Variants in PAPOLA observed in about 807,000 individuals in gnomAD.
PAPOLA encodes poly(A) polymerase alpha.
PAPOLA carries 15 observed loss-of-function variants against 100.6 expected under a neutral mutation model. The ratio of observed to expected loss-of-function variants is 0.15; its 90% confidence interval spans 0.10 to 0.23. The LOEUF (loss-of-function observed/expected upper bound fraction) is 0.23. PAPOLA is among the 10% of genes least tolerant of loss of function. The probability of loss-of-function intolerance (pLI) is 1.00; values close to 1 mark genes in which losing one functional copy is unlikely to be tolerated. For synonymous variants in PAPOLA, 293 were observed against 300.0 expected (o/e 0.98, Z 0.24); for missense variants, 533 against 884.2 (o/e 0.60, Z 5.04).
At position 96,565,292 on chromosome 14, in the gene PAPOLA, T is replaced by C. The variant is rs1285060396; in HGVS notation, c.*242T>C. On this transcript the variant is annotated 3_prime_UTR_variant, in exon 22 of 22. Transcript: ENST00000216277. ...TTAACTATTTCAAAAATTACTGCCT[T>C]TAAAAAAAACAACCTCAAGCTATAT... is the stretch of plus-strand genomic sequence containing the variant. 6 of 401,274 alleles carry C rather than the reference T, an allele frequency of 1.5e-5. No homozygotes were observed. Among genetic ancestry groups the C allele is most frequent in the Non-Finnish European group, 2.7e-5 (6 of 221,848 alleles). 24.9% of individuals were successfully genotyped at this position (401,274 alleles called of 1,614,324 possible).
intron 1 of PAPOLA, among the ~76,000 whole-genome samples, chr14:96,513,597 C>T (rs7151963): frequency 0.055 from 8,346 of 152,142 alleles, 228 homozygotes; most frequent in Non-Finnish European, 0.058. Flanking sequence ...TTGCTTTCAT[C>T]GTGATGAATA....
At chr14:96,542,094 A>G (rs1595540472) in intron 12 of PAPOLA, 149 bp from the exon 13 acceptor site, 3 of 480,428 alleles carry the variant, frequency 6.2e-6, no homozygotes, top group South Asian at 3.8e-5. Flanking sequence ...AATTTAGCAT[A>G]TATGATTTTA....
At chr14:96,556,502 T>C in intron 19 of PAPOLA, 89 bp downstream of exon 19, 1 of 860,412 alleles carries the variant, frequency 1.2e-6, no homozygotes, top group Non-Finnish European at 1.9e-6. Context: ...TGAACCAAAA[T>C]AGAGAAGGAT....
Position 96,529,537 on chromosome 14 carries a change from AC to A in PAPOLA, c.495+1532del, listed in dbSNP as rs1018191726. ...GGAGATCAAGACCGTCCTGGCCAAC[AC>A]GTTGAAACCCTGTCTGTACTAAAAA... On this transcript the variant is annotated intron_variant, in intron 6 of 21. Coordinates refer to ENST00000216277, the MANE Select transcript of PAPOLA (RefSeq NM_032632.5). 8.7e-5 allele frequency among the ~76,000 whole-genome samples: 13 copies of A among 150,212 alleles called. No homozygotes were observed. The East Asian group carries it at 1.9e-3, about 22-fold the overall frequency.
intron 19 of PAPOLA, among the ~76,000 whole-genome samples, chr14:96,558,867 CCT>C (rs1332749052): frequency 6.6e-6 from 1 of 151,944 alleles, no homozygotes; most frequent in East Asian, 1.9e-4. Context: ...TCAAATGGCC[CCT>C]GATTGTTTCA....
At chr14:96,545,370 A>G (rs762126663) in intron 15 of PAPOLA, among the ~76,000 whole-genome samples, 1 of 152,066 alleles carries the variant, frequency 6.6e-6, no homozygotes, top group Non-Finnish European at 1.5e-5. Context: ...AATCGCGAGC[A>G]GTGTGACATC....
At position 96,541,636 on chromosome 14, in the gene PAPOLA, A is replaced by G. The variant is rs147035895; in HGVS notation, c.1116-607A>G. Among the ~76,000 whole-genome samples the G allele has an allele frequency of 5.3e-3, 803 of 152,280 alleles. 9 individuals carry two copies. The highest frequency in any genetic ancestry group is 0.019 in the African/African-American group (770 of 41,554). ...TAATATGAATGGGATTGAGTTTTGG[A>G]TAAAAATCAGATTTCTTTGTTGCTG... On this transcript the variant is annotated intron_variant, in intron 12 of 21. Transcript: ENST00000216277.
chr14:96,543,010 G>A, intron 14 of PAPOLA, 117 bp downstream of exon 14: 1 of 1,013,586 alleles, frequency 9.9e-7, no homozygotes, highest in Non-Finnish European at 1.5e-6. Flanking sequence ...ATGGCTTATA[G>A]ACAATTTAGA....
At chr14:96,517,283 A>T (rs1368310577) in intron 1 of PAPOLA, among the ~76,000 whole-genome samples, 1 of 152,226 alleles carries the variant, frequency 6.6e-6, no homozygotes, top group African/African-American at 2.4e-5. Flanking sequence ...AGAAAAACTC[A>T]TGAAGCAATG....
intron 20 of PAPOLA, chr14:96,562,385 A>T (rs1421764069): frequency 6.6e-6 from 1 of 151,910 alleles, no homozygotes; most frequent in Non-Finnish European, 1.5e-5. Flanking sequence ...TCTACTTTTA[A>T]TTAAAGGTGT....
At chr14:96,533,417 T>C in intron 9 of PAPOLA, 1 of 981,476 alleles carries the variant, frequency 1.0e-6, no homozygotes, top group Non-Finnish European at 1.2e-6. Context: ...AATTTAGAGC[T>C]GTGTTCAACT....
At position 96,536,006 on chromosome 14, in the gene PAPOLA, G is replaced by A. The variant is rs376875671; in HGVS notation, c.1030+7G>A. ...GTTGAGGAGTTTAAACAAGGTAAGT[G>A]TTTATCCTTATGCTCTGATTTATAC... On this transcript the variant is annotated splice_region_variant and intron_variant, in intron 11 of 21. Transcript: ENST00000216277. 5 of 1,588,776 alleles carry A rather than the reference G, an allele frequency of 3.1e-6. No individual in the cohort carries two copies. The highest frequency in any genetic ancestry group is 4.3e-6 in the Non-Finnish European group (5 of 1,167,230).
At chr14:96,560,416 G>A in intron 19 of PAPOLA, 1 of 391,512 alleles carries the variant, frequency 2.6e-6, no homozygotes, top group Admixed American at 4.3e-5. Context: ...ACTTTAGGTG[G>A]TGATCTGCAG....
intron 12 of PAPOLA, among the ~76,000 whole-genome samples, chr14:96,541,215 A>T (rs989947272): frequency 6.6e-6 from 1 of 152,134 alleles, no homozygotes; most frequent in African/African-American, 2.4e-5. Flanking sequence ...ACATTTTTTT[A>T]AAATAAGTTT....
At chr14:96,527,927 C>T (rs375226587) in intron 5 of PAPOLA, 26 bp from the exon 6 acceptor site, 15 of 1,563,014 alleles carry the variant, frequency 9.6e-6, no homozygotes, top group Non-Finnish European at 1.3e-5. Flanking sequence ...TTTCAGAGAC[C>T]CTGAACTTGT....
At chr14:96,561,217 G>C (rs555586103) in intron 20 of PAPOLA, among the ~76,000 whole-genome samples, 1 of 152,212 alleles carries the variant, frequency 6.6e-6, no homozygotes, top group Middle Eastern at 3.4e-3. Flanking sequence ...GCTTGAATGA[G>C]GTGTAGATGG....
chr14:96,533,019 A>T (rs1899174114), intron 9 of PAPOLA: 2 of 984,430 alleles, frequency 2.0e-6, no homozygotes, highest in Non-Finnish European at 2.4e-6. Context: ...ATAGGCCATT[A>T]GTTTCTTGTG....
intron 1 of PAPOLA, among the ~76,000 whole-genome samples, chr14:96,504,090 TTGTTGTGG>T (rs1188940553): frequency 6.6e-6 from 1 of 152,210 alleles, no homozygotes; most frequent in African/African-American, 2.4e-5. Flanking sequence ...CTAAGCAAGA[TTGTTGTGG>T]TGTTTCTCAG....
rs763759524 is a variant in PAPOLA, at chr14:96,502,490, A to G, written c.-103A>G. On this transcript the variant is annotated 5_prime_UTR_variant, in exon 1 of 22. Transcript: ENST00000216277. ...GGGAGAGGGGTTGGACCCAGGGCTG[A>G]GGCAGGCCCCCCCCTCCCTCCCGCC... 3.3e-6 allele frequency: 3 copies of G among 900,934 alleles called. No individual in the cohort carries two copies. The African/African-American group carries it at 5.1e-5, about 15-fold the overall frequency. 55.8% of individuals were successfully genotyped at this position (900,934 alleles called of 1,614,324 possible).
Sources: gnomAD v4.1 joint callset for allele counts (sites outside exome capture counted in the v4.1 genomes callset) on GRCh38, gnomAD v4.1.1 for gene constraint, MANE v1.5 for transcripts, NCBI Gene and HGNC (gene_info 2026-07-23, HGNC 2026-07-21) for gene names.